Variants in SMARCA4 observed in about 807,000 individuals in gnomAD.
The protein encoded by SMARCA4 is SWI/SNF related BAF chromatin remodeling complex subunit ATPase 4.
Under a neutral mutation model 193.9 loss-of-function variants are expected in SMARCA4, and 31 were observed. That is an observed-to-expected ratio of 0.16 (90% CI 0.12 to 0.22). The LOEUF (loss-of-function observed/expected upper bound fraction) is 0.22. Among genes scored for constraint, SMARCA4 ranks in the 10% least tolerant of loss-of-function variants. SMARCA4 has a pLI of 1.00. For missense variants in SMARCA4, 1,148 were observed against 2,296.0 expected (o/e 0.50, Z 10.22); for synonymous variants, 942 against 933.1 (o/e 1.01, Z -0.17).
At chr19:10,961,767 C>T (rs2083827539) in intron 1 of SMARCA4, 1 of 152,212 alleles carries the variant, frequency 6.6e-6, no homozygotes, top group Non-Finnish European at 1.5e-5. Context: ...TTAGTGACTT[C>T]AAAATGTTTG....
intron 13 of SMARCA4, among the ~76,000 whole-genome samples, chr19:11,004,752 G>A (rs2088020056): frequency 6.6e-6 from 1 of 151,988 alleles, no homozygotes; most frequent in Non-Finnish European, 1.5e-5. Context: ...GCTTACATTT[G>A]CTATTTCTTT....
At chr19:10,963,390 A>G (rs2083962296) in intron 1 of SMARCA4, among the ~76,000 whole-genome samples, 1 of 143,386 alleles carries the variant, frequency 7.0e-6, no homozygotes, top group South Asian at 2.1e-4. Flanking sequence ...AAAAAAAAAA[A>G]AGAAAAAGAA....
At chr19:11,038,899 A>G (rs1334683234) in intron 29 of SMARCA4, among the ~76,000 whole-genome samples, 1 of 152,244 alleles carries the variant, frequency 6.6e-6, no homozygotes, top group Non-Finnish European at 1.5e-5. Flanking sequence ...GTCAGTTGTC[A>G]ATAGCGTTAT....
intron 7 of SMARCA4, among the ~76,000 whole-genome samples, chr19:10,989,705 CTTTT>C (rs377263433): frequency 7.0e-6 from 1 of 142,180 alleles, no homozygotes. Context: ...TTCCCTTTCC[CTTTT>C]TTTTTTTTTT....
intron 14 of SMARCA4, among the ~76,000 whole-genome samples, chr19:11,010,126 G>T (rs571761830): frequency 5.9e-5 from 9 of 152,292 alleles, no homozygotes; most frequent in African/African-American, 1.7e-4. Context: ...ACGCCCATCA[G>T]AGTGACAGAA....
chr19:11,009,793 A>C (rs1454856456), intron 14 of SMARCA4, among the ~76,000 whole-genome samples: 3 of 144,758 alleles, frequency 2.1e-5, no homozygotes, highest in African/African-American at 7.8e-5. Flanking sequence ...GGTTCATGCC[A>C]TTCTCCTGCC....
At chr19:10,989,934 A>G (rs541281387) in intron 7 of SMARCA4, among the ~76,000 whole-genome samples, 1 of 151,818 alleles carries the variant, frequency 6.6e-6, no homozygotes, top group African/African-American at 2.4e-5. Flanking sequence ...TTGACCTCAA[A>G]TGATCGGCCT....
chr19:10,965,162 G>A (rs910613803), intron 1 of SMARCA4: 4 of 152,282 alleles, frequency 2.6e-5, no homozygotes, highest in South Asian at 2.1e-4. Flanking sequence ...TTTATGTGGC[G>A]AACAAGCATG....
At chr19:11,055,567 A>C (rs1441661763) in intron 30 of SMARCA4, among the ~76,000 whole-genome samples, 1 of 151,442 alleles carries the variant, frequency 6.6e-6, no homozygotes, top group African/African-American at 2.4e-5. Flanking sequence ...TGGGGTGCTT[A>C]TTATAAAGCC....
At chr19:10,977,490 C>G (rs2085234033) in intron 1 of SMARCA4, among the ~76,000 whole-genome samples, 1 of 151,944 alleles carries the variant, frequency 6.6e-6, no homozygotes, top group South Asian at 2.1e-4. Flanking sequence ...TACCCAGCTA[C>G]TTTTTGTTTT....
At chr19:11,049,725 G>A (rs2076153222) in intron 30 of SMARCA4, among the ~76,000 whole-genome samples, 1 of 152,164 alleles carries the variant, frequency 6.6e-6, no homozygotes, top group African/African-American at 2.4e-5. Flanking sequence ...GTCCATGTGG[G>A]CTCAGCCAGC....
Position 10,984,078 on chromosome 19 carries a change from G to T in SMARCA4, c.-31-43G>T. Reference sequence around the variant, plus strand: ...TCCCTTGCTATCCCTGTCCTGCCTCGCCCTTGGTCATGAACCCCAGACTGA... The same window carrying T: ...TCCCTTGCTATCCCTGTCCTGCCTCTCCCTTGGTCATGAACCCCAGACTGA... On this transcript the variant is annotated intron_variant, in intron 1 of 34. Transcript: ENST00000344626. This position sits in a 1 kb window ranked among gnomAD's most constrained non-coding sequence, Gnocchi z 4.3. 2 of 1,552,394 alleles carry T rather than the reference G, an allele frequency of 1.3e-6. No individual in the cohort carries two copies. Among genetic ancestry groups the T allele is most frequent in the African/African-American group, 1.4e-5 (1 of 73,746 alleles).
In SMARCA4 at chr19:11,028,049, C is replaced by G. The variant is rs577152013; in HGVS notation, c.3382+99C>G. ...TTCCCTCCTGTGAGGCAGGGTGAGG[C>G]CCAGGCGCTCTGGGTCCAGTGGCCA... On this transcript the variant is annotated intron_variant, in intron 24 of 34. Transcript: ENST00000344626. 561 of 1,333,958 alleles carry G rather than the reference C, an allele frequency of 4.2e-4. 3 individuals carry two copies. The highest frequency in any genetic ancestry group is 3.7e-3 in the Middle Eastern group (20 of 5,472). 82.6% of individuals were successfully genotyped at this position (1,333,958 alleles called of 1,614,324 possible). A position where few individuals can be genotyped will look rare whatever the true frequency, so the allele number is the denominator to read the frequency against.
chr19:10,975,136 C>T (rs957948748), intron 1 of SMARCA4, among the ~76,000 whole-genome samples: 15 of 147,248 alleles, frequency 1.0e-4, no homozygotes, highest in African/African-American at 3.5e-4. Flanking sequence ...CGTGCCTCAG[C>T]CTCCTGAGTA....
chr19:11,013,035 C>T lies in SMARCA4; in HGVS notation c.2361C>T (p.Ile787=), dbSNP rs1555774725. The T allele has an allele frequency of 1.2e-6, 2 of 1,614,134 alleles. No individual in the cohort carries two copies. The highest frequency in any genetic ancestry group is 1.7e-6 in the Non-Finnish European group (2 of 1,179,988). ...ACGAGATGGGCCTGGGGAAGACCAT[C>T]CAGACCATCGCGCTCATCACGTACC... The part of the protein sequence containing the change: ...LADEMGLGKT[I]QTIALITYLM... Residue 787 remains isoleucine, a synonymous_variant, in exon 16 of 35, where the codon ATC becomes ATT. Coordinates refer to ENST00000344626, the MANE Select transcript of SMARCA4 (RefSeq NM_003072.5).
In SMARCA4 at chr19:11,019,451, C is replaced by A; in HGVS notation, c.2506-140C>A. 1 of 669,056 alleles carries A rather than the reference C, an allele frequency of 1.5e-6. No individual in the cohort carries two copies. The highest frequency in any genetic ancestry group is 2.7e-6 in the Non-Finnish European group (1 of 367,522). The allele number at this position is 669,056 out of a possible 1,614,324, so 41.4% of individuals were successfully genotyped here. A position where few individuals can be genotyped will look rare whatever the true frequency, so the allele number is the denominator to read the frequency against. Reference sequence around the variant, plus strand: ...GTCTGGGGACGCGCCAGCGGCCCTGCCAGCCCCTTTCCCCACTACCCCTGT... The same window carrying A: ...GTCTGGGGACGCGCCAGCGGCCCTGACAGCCCCTTTCCCCACTACCCCTGT... On this transcript the variant is annotated intron_variant, in intron 17 of 34. Transcript: ENST00000344626. The surrounding 1 kb of genome is among the most constrained non-coding windows in gnomAD (Gnocchi z 6.1).
chr19:11,056,191 C>G (rs1250711923), intron 30 of SMARCA4: 2 of 152,260 alleles, frequency 1.3e-5, no homozygotes, highest in African/African-American at 4.8e-5. Context: ...TTTCCCGACT[C>G]AGAGGGGAGT....
rs1274327850 is a variant in SMARCA4 at position 11,033,817 on chromosome 19, C to T, written c.3825C>T (p.Ala1275=). Residue 1275 remains alanine (A), a synonymous_variant, in exon 27 of 35, where the codon GCC becomes GCT. Transcript: ENST00000344626. This position sits in a 1 kb window ranked among gnomAD's most constrained non-coding sequence, Gnocchi z 9.8. Reference sequence around the variant, plus strand: ...GCAGTGCCAGCTTCGCCCACACTGCCCCTCCGCCAGCGGGCGTCAACCCCG... The same window carrying T: ...GCAGTGCCAGCTTCGCCCACACTGCTCCTCCGCCAGCGGGCGTCAACCCCG... ...GSGSASFAHT[A]PPPAGVNPDL... 1 of 779,814 alleles carries T rather than the reference C, an allele frequency of 1.3e-6. No homozygotes were observed. Among genetic ancestry groups the T allele is most frequent in the Non-Finnish European group, 2.4e-6 (1 of 418,224 alleles). The allele number at this position is 779,814 out of a possible 1,614,324, so 48.3% of individuals were successfully genotyped here. A position where few individuals can be genotyped will look rare whatever the true frequency, so the allele number is the denominator to read the frequency against.
Position 11,058,300 on chromosome 19 carries a change from G to T in SMARCA4, c.4470G>T (p.Ser1490=), listed in dbSNP as rs750556885. ...QLSEVFIQLP[S]RKELPEYYEL... is the part of the protein sequence containing the mutation. ...GCGAGGTCTTCATCCAGCTGCCCTC[G>T]CGAAAGGAGCTGCCCGAGTACTACG... is the stretch of plus-strand genomic sequence containing the variant. The change falls in exon 31 of 35, where the codon TCG becomes TCT. Residue 1490 remains serine (S), a synonymous_variant. Coordinates refer to ENST00000344626, the MANE Select transcript of SMARCA4 (RefSeq NM_003072.5). This position sits in a 1 kb window ranked among gnomAD's most constrained non-coding sequence, Gnocchi z 5.8. 1 of 1,613,544 alleles carries T rather than the reference G, an allele frequency of 6.2e-7. No individual in the cohort carries two copies. Among genetic ancestry groups the T allele is most frequent in the South Asian group, 1.1e-5 (1 of 91,086 alleles).
Sources: gnomAD v4.1 joint callset for allele counts (sites outside exome capture counted in the v4.1 genomes callset) on GRCh38, gnomAD v4.1.1 for gene constraint, Gnocchi (gnomAD v3.1) non-coding constraint, MANE v1.5 for transcripts, NCBI Gene and HGNC (gene_info 2026-07-23, HGNC 2026-07-21) for gene names.